Variants in KBTBD12 observed in about 807,000 individuals in gnomAD.
The protein encoded by KBTBD12 is kelch repeat and BTB domain containing 12, also known as kelch repeat and BTB domain-containing protein 12.
Under a neutral mutation model 58.7 loss-of-function variants are expected in KBTBD12, and 53 were observed. The ratio of observed to expected loss-of-function variants is 0.90; its 90% CI spans 0.72 to 1.14. KBTBD12 has a LOEUF of 1.14. Ranked by LOEUF, KBTBD12 falls within the 50% of genes most tolerant of loss-of-function variation. The pLI is 0.00. For synonymous variants in KBTBD12, 236 were observed against 259.8 expected, an observed-to-expected ratio of 0.91 and a Z score of 0.88; for missense variants, 704 against 751.3, an observed-to-expected ratio of 0.94 and a Z score of 0.74.
intron 4 of KBTBD12, among the ~76,000 whole-genome samples, chr3:127,940,512 A>T (rs1043746500): frequency 6.6e-6 from 1 of 152,206 alleles, no homozygotes; most frequent in Non-Finnish European, 1.5e-5. Context: ...ATTAGAAAAT[A>T]TGTTATGCTG....
Position 127,951,980 on chromosome 3 carries a change from AT to A in KBTBD12, c.1493-11207del, listed in dbSNP as rs1162571802. Among the ~76,000 whole-genome samples, 34 of 152,172 alleles carry A rather than the reference AT, an allele frequency of 2.2e-4. 1 individual carries two copies. The highest frequency in any genetic ancestry group is 2.2e-3 in the Admixed American group (34 of 15,268). ...TCCTGGCTTTGTTGGAAAATGAAAGATTCTATATAGTTACATTTTCCCAAGA... is the reference window on the plus strand; with the variant it reads ...TCCTGGCTTTGTTGGAAAATGAAAGATCTATATAGTTACATTTTCCCAAGA... On this transcript the variant is annotated intron_variant, in intron 4 of 5. Coordinates refer to ENST00000405109, the MANE Select transcript of KBTBD12 (RefSeq NM_207335.4).
chr3:127,964,033 A>G (rs1287938165), intron 5 of KBTBD12, among the ~76,000 whole-genome samples: 1 of 152,186 alleles, frequency 6.6e-6, no homozygotes, highest in Non-Finnish European at 1.5e-5. Context: ...TGCATTCTAC[A>G]GTATGGATTT....
chr3:127,948,948 T>C (rs1224470899), intron 4 of KBTBD12, among the ~76,000 whole-genome samples: 1 of 152,246 alleles, frequency 6.6e-6, no homozygotes, highest in Non-Finnish European at 1.5e-5. Context: ...GCTTAATACC[T>C]GTCTGGCATA....
chr3:127,922,983 TA>T lies in KBTBD12; in HGVS notation c.-77del. On this transcript the variant is annotated 5_prime_UTR_variant, in exon 2 of 6. The change abolishes the stop of an existing upstream ORF in the 5' untranslated region. Coordinates refer to ENST00000405109, the MANE Select transcript of KBTBD12 (RefSeq NM_207335.4). ...CCTGACATCTTTGTAGCTTCATGAGTAATCAGACATGCAAATAGCCCCTCAG... is the reference window on the plus strand; with the variant it reads ...CCTGACATCTTTGTAGCTTCATGAGTATCAGACATGCAAATAGCCCCTCAG... The T allele has an allele frequency of 1.3e-6, 1 of 775,532 alleles. No individual in the cohort carries two copies. The highest frequency in any genetic ancestry group is 1.7e-5 in the African/African-American group (1 of 57,644). The allele number at this position is 775,532 out of a possible 1,614,324, so 48.0% of individuals were successfully genotyped here. A position where few individuals can be genotyped will look rare whatever the true frequency, so the allele number is the denominator to read the frequency against.
intron 4 of KBTBD12, among the ~76,000 whole-genome samples, chr3:127,931,024 G>A (rs1172953886): frequency 4.6e-5 from 7 of 152,064 alleles, no homozygotes; most frequent in African/African-American, 1.7e-4. Flanking sequence ...GAAACAATGA[G>A]GCAGGGAGGT....
chr3:127,978,969 T>C (rs1008456424), intron 5 of KBTBD12, among the ~76,000 whole-genome samples: 8 of 152,194 alleles, frequency 5.3e-5, no homozygotes, highest in African/African-American at 1.9e-4. Context: ...CGTGAGCTCC[T>C]GGGCCACACA....
chr3:127,971,181 G>A (rs1225253166), intron 5 of KBTBD12, among the ~76,000 whole-genome samples: 1 of 152,150 alleles, frequency 6.6e-6, no homozygotes, highest in African/African-American at 2.4e-5. Context: ...CCTAGTGGCA[G>A]GAAACTATTC....
intron 2 of KBTBD12, among the ~76,000 whole-genome samples, chr3:127,924,542 A>C (rs931290952): frequency 2.6e-5 from 4 of 151,850 alleles, no homozygotes; most frequent in African/African-American, 4.8e-5. Context: ...TTATTTATCC[A>C]TATATAGGGT....
chr3:127,921,287 A>G (rs1939400589), intron 1 of KBTBD12, among the ~76,000 whole-genome samples: 1 of 152,130 alleles, frequency 6.6e-6, no homozygotes, highest in African/African-American at 2.4e-5. Context: ...TCGGTCACCC[A>G]AGCCAAAATC....
intron 4 of KBTBD12, among the ~76,000 whole-genome samples, chr3:127,935,472 C>T (rs1939808661): frequency 6.6e-6 from 1 of 151,866 alleles, no homozygotes; most frequent in East Asian, 1.9e-4. Flanking sequence ...TAAAAGTCAA[C>T]TAAAGAAGCC....
At chr3:127,941,841 C>G (rs933645029) in intron 4 of KBTBD12, among the ~76,000 whole-genome samples, 1 of 152,124 alleles carries the variant, frequency 6.6e-6, no homozygotes, top group South Asian at 2.1e-4. Context: ...CTGAAGTGAT[C>G]CACCCGCCTC....
intron 5 of KBTBD12, among the ~76,000 whole-genome samples, chr3:127,972,894 T>C (rs949752909): frequency 2.0e-5 from 3 of 152,208 alleles, no homozygotes; most frequent in African/African-American, 7.2e-5. Flanking sequence ...AGATCCTAAT[T>C]TGTATAATAG....
At position 127,927,760 on chromosome 3, in the gene KBTBD12, G is replaced by A. The variant is rs993960575; in HGVS notation, c.1071-4G>A. ...ATCCTGGATACTCTCTCTCTCTTTT[G>A]CAGGTATCATGATAGAGGAAACCAG... is the stretch of plus-strand genomic sequence containing the variant. On this transcript the variant is annotated splice_polypyrimidine_tract_variant and splice_region_variant and intron_variant, in intron 2 of 5. Coordinates refer to ENST00000405109, the MANE Select transcript of KBTBD12 (RefSeq NM_207335.4). 2 of 1,492,748 alleles carry A rather than the reference G, an allele frequency of 1.3e-6. No homozygotes were observed. The highest frequency in any genetic ancestry group is 2.2e-5 in the Admixed American group (1 of 45,724). The allele number at this position is 1,492,748 out of a possible 1,614,324, so 92.5% of individuals were successfully genotyped here. A position where few individuals can be genotyped will look rare whatever the true frequency, so the allele number is the denominator to read the frequency against.
Position 127,927,954 on chromosome 3 carries a change from C to T in KBTBD12, c.1261C>T (p.Pro421Ser). The change falls in exon 3 of 6, where the codon CCC becomes TCC. Residue 421 changes from proline to serine, a missense_variant. Pro to Ser is a moderately conservative substitution (Grantham distance 74, BLOSUM62 -1). Transcript: ENST00000405109. ...VERDNWKRVSPLPLQLACHAV... is the reference protein window; with the variant it reads ...VERDNWKRVSSLPLQLACHAV... ...ACGGGACAATTGGAAAAGGGTGTCTCCCCTTCCACTGCAATTGGCATGTCA... is the reference window on the plus strand; with the variant it reads ...ACGGGACAATTGGAAAAGGGTGTCTTCCCTTCCACTGCAATTGGCATGTCA... 1 of 1,612,956 alleles carries T rather than the reference C, an allele frequency of 6.2e-7. No individual in the cohort carries two copies. The highest frequency in any genetic ancestry group is 8.5e-7 in the Non-Finnish European group (1 of 1,179,132).
At chr3:127,915,923 C>T (rs1445184851) in intron 1 of KBTBD12, among the ~76,000 whole-genome samples, 3 of 152,226 alleles carry the variant, frequency 2.0e-5, no homozygotes, top group Non-Finnish European at 4.4e-5. Context: ...AGGGGCACTT[C>T]CCTGTTCCTG....
chr3:127,925,361 C>T (rs901093564), intron 2 of KBTBD12, among the ~76,000 whole-genome samples: 1 of 152,138 alleles, frequency 6.6e-6, no homozygotes, highest in Non-Finnish European at 1.5e-5. Flanking sequence ...TCTCAGGGGT[C>T]CATGCCACCA....
chr3:127,965,472 T>C (rs936977616), intron 5 of KBTBD12, among the ~76,000 whole-genome samples: 1 of 152,252 alleles, frequency 6.6e-6, no homozygotes, highest in East Asian at 1.9e-4. Context: ...CCTATTATGA[T>C]CTAGAGATCT....
rs749218360 is a variant in KBTBD12, at chr3:127,928,025, G to T, written c.1332G>T (p.Trp444Cys). The T allele has an allele frequency of 1.2e-6, 2 of 1,613,280 alleles. No homozygotes were observed. Among genetic ancestry groups the T allele is most frequent in the South Asian group, 1.1e-5 (1 of 91,024 alleles). The change falls in exon 3 of 6, where the codon TGG becomes TGT. Residue 444 changes from tryptophan (W) to cysteine (C), a missense_variant. Physicochemically the swap from Trp to Cys is radical, Grantham distance 215. Transcript: ENST00000405109. ...ATAAACTTTATGTAATTGGAGGCTG[G>T]ACCCCTCAGGTTAAGAAATTTCCTG... ...VNNKLYVIGG[W>C]TPQMDLPDEE...
chr3:127,954,885 C>G (rs1196556054), intron 4 of KBTBD12, among the ~76,000 whole-genome samples: 1 of 152,080 alleles, frequency 6.6e-6, no homozygotes, highest in East Asian at 1.9e-4. Context: ...CAAAATCTGG[C>G]AAAAATCCCA....
Sources: gnomAD v4.1 joint callset for allele counts (sites outside exome capture counted in the v4.1 genomes callset) on GRCh38, gnomAD v4.1.1 for gene constraint, MANE v1.5 for transcripts, NCBI Gene and HGNC (gene_info 2026-07-23, HGNC 2026-07-21) for gene names.